BRI3: variants seen among roughly 807,000 people sequenced by gnomAD.
BRI3 encodes membrane protein BRI3.
In BRI3, 6 loss-of-function variants were observed where a neutral mutation model predicts 12.8. The ratio of observed to expected loss-of-function variants is 0.47; its 90% confidence interval spans 0.26 to 0.93. The LOEUF (loss-of-function observed/expected upper bound fraction) is 0.93, where lower values mean the gene tolerates loss of function less well. BRI3 is among the 40% of genes least tolerant of loss of function. The pLI, the probability that BRI3 is intolerant of heterozygous loss-of-function variation, is 0.15. For synonymous variants in BRI3, 91 were observed against 76.1 expected, an observed-to-expected ratio of 1.20 and a Z score of -1.02; for missense variants, 134 against 171.1, an observed-to-expected ratio of 0.78 and a Z score of 1.21.
Position 98,282,445 on chromosome 7 carries a change from T to A in BRI3, c.237T>A (p.Pro79=), listed in dbSNP as rs374049927. The change falls in exon 2 of 3, where the codon CCT becomes CCA. Residue 79 remains proline (P), a synonymous_variant. Coordinates refer to ENST00000297290, the MANE Select transcript of BRI3 (RefSeq NM_015379.5). ...CTATCGTGGTCGTAGGAGGCTGTCC[T>A]GTCTGCAGGTGAGTGGGTCTGCAGC... is the stretch of plus-strand genomic sequence containing the variant. ...ANSIVVVGGC[P]VCRVGVLEDC... is the part of the protein sequence containing the mutation. 5.8e-5 allele frequency: 93 copies of A among 1,613,650 alleles called. No homozygotes were observed. Among genetic ancestry groups the A allele is most frequent in the Non-Finnish European group, 7.5e-5 (89 of 1,179,750 alleles).
downstream of BRI3, among the ~76,000 whole-genome samples, chr7:98,296,450 ACC>A (rs371584857): frequency 5.1e-4 from 78 of 152,164 alleles, 1 homozygote; most frequent in African/African-American, 1.9e-3. Flanking sequence ...ACATGGAGAA[ACC>A]CCGTCTCTAC....
At chr7:98,283,737 C>CGGTCCT (rs1562956243) in intron 2 of BRI3, among the ~76,000 whole-genome samples, 1 of 152,198 alleles carries the variant, frequency 6.6e-6, no homozygotes, top group East Asian at 1.9e-4. Flanking sequence ...AGCCGGGTTC[C>CGGTCCT]GGTCCTGGTC....
upstream of BRI3, among the ~76,000 whole-genome samples, chr7:98,302,529 C>CA (rs1800470851): frequency 6.6e-6 from 1 of 152,192 alleles, no homozygotes; most frequent in Admixed American, 6.5e-5. Context: ...AAAACAGCAA[C>CA]AGACTCTGAG....
chr7:98,317,402 A>G, the BRI3 span: 9 of 1,605,554 alleles, frequency 5.6e-6, no homozygotes, highest in South Asian at 5.5e-5. Flanking sequence ...CACCACACGA[A>G]TTGTCACACA....
At chr7:98,293,715 T>C (rs1311628822), downstream of BRI3, 1 of 935,760 alleles carries the variant, frequency 1.1e-6, no homozygotes, top group East Asian at 2.4e-5. Context: ...CTCCCCAGCT[T>C]GTACAGGTCC....
downstream of BRI3, among the ~76,000 whole-genome samples, chr7:98,296,341 T>C (rs1028493762): frequency 2.0e-5 from 3 of 152,202 alleles, no homozygotes; most frequent in Non-Finnish European, 2.9e-5. Flanking sequence ...AAAATATGTA[T>C]TGGGCCAGGG....
Position 98,291,335 on chromosome 7 carries a change from C to T in BRI3, c.*92C>T. 6.4e-7 allele frequency: 1 copy of T among 1,565,624 alleles called. No individual in the cohort carries two copies. Among genetic ancestry groups the T allele is most frequent in the Non-Finnish European group, 8.7e-7 (1 of 1,154,312 alleles). On this transcript the variant is annotated 3_prime_UTR_variant, in exon 3 of 3. Coordinates refer to ENST00000297290, the MANE Select transcript of BRI3 (RefSeq NM_015379.5). ...AATTTTATTTGATTAAGCTTCAGGA[C>T]TGTTTTGTAAAGCGAGGTGGGACCG...
At chr7:98,290,474 C>T (rs1237862667) in intron 2 of BRI3, among the ~76,000 whole-genome samples, 2 of 151,406 alleles carry the variant, frequency 1.3e-5, no homozygotes, top group African/African-American at 4.9e-5. Context: ...GGATTACAGG[C>T]GTGAGCCACC....
rs148579418 is a variant in BRI3 at position 98,307,415 on chromosome 7, T to C, written n.145-100T>C. The C allele has an allele frequency of 3.7e-5, 47 of 1,277,150 alleles. 1 individual carries two copies. The African/African-American group carries it at 5.9e-4, about 16-fold the overall frequency. The allele number at this position is 1,277,150 out of a possible 1,614,324, so 79.1% of individuals were successfully genotyped here. Reference sequence around the variant, plus strand: ...GCCACTGCACTGGCCAAATGCTAAATTTTTTTTAAAAACAAAAGAATGTTT... The same window carrying C: ...GCCACTGCACTGGCCAAATGCTAAACTTTTTTTAAAAACAAAAGAATGTTT... On this transcript the variant is annotated intron_variant and non_coding_transcript_variant, in intron 1 of 1. Coordinates refer to the BRI3 transcript ENST00000485422.
chr7:98,294,972 C>T (rs1294483690), downstream of BRI3, among the ~76,000 whole-genome samples: 1 of 152,194 alleles, frequency 6.6e-6, no homozygotes, highest in African/African-American at 2.4e-5. Flanking sequence ...CCTGCCTGCA[C>T]ACAGGGAGTG....
exon 2 of BRI3, chr7:98,309,453 C>T (rs1275015965): frequency 1.3e-5 from 2 of 151,930 alleles, no homozygotes; most frequent in Non-Finnish European, 2.9e-5. Flanking sequence ...GCGCCCAATC[C>T]TCCACCAGCA....
chr7:98,303,941 C>T (rs930126463), upstream of BRI3, among the ~76,000 whole-genome samples: 19 of 152,300 alleles, frequency 1.2e-4, no homozygotes, highest in African/African-American at 3.6e-4. Context: ...AAACTAGAGG[C>T]GACTGTGTGT....
exon 2 of BRI3, chr7:98,308,992 A>T (rs1021892680): frequency 8.0e-5 from 12 of 150,030 alleles, no homozygotes; most frequent in African/African-American, 2.7e-4. Flanking sequence ...TTTTTTTTCC[A>T]TTCAAATTTT....
chr7:98,290,875 T>C (rs2116745978), intron 2 of BRI3, among the ~76,000 whole-genome samples: 1 of 152,362 alleles, frequency 6.6e-6, no homozygotes, highest in Admixed American at 6.5e-5. Context: ...TTACATGTAG[T>C]GATTAAATAA....
At chr7:98,298,014 T>C (rs1476486122) in intron 1 of BRI3, among the ~76,000 whole-genome samples, 2 of 149,404 alleles carry the variant, frequency 1.3e-5, no homozygotes, top group African/African-American at 4.9e-5. Flanking sequence ...GAGGACTGCC[T>C]GAGGTCAGGA....
intron 1 of BRI3, among the ~76,000 whole-genome samples, chr7:98,300,890 G>C: frequency 6.6e-6 from 1 of 152,114 alleles, no homozygotes; most frequent in East Asian, 1.9e-4. Context: ...GCCGAAGCTC[G>C]TGCCTCAGAG....
chr7:98,303,688 C>A (rs1225995008), upstream of BRI3, among the ~76,000 whole-genome samples: 1 of 152,134 alleles, frequency 6.6e-6, no homozygotes, highest in Non-Finnish European at 1.5e-5. Flanking sequence ...ATGCTGGGCC[C>A]CCAGAGGCAC....
intron 2 of BRI3, among the ~76,000 whole-genome samples, chr7:98,287,309 A>T (rs1051735855): frequency 1.3e-5 from 2 of 152,156 alleles, no homozygotes; most frequent in African/African-American, 4.8e-5. Flanking sequence ...CTGCCTTAGG[A>T]GGTGCCGGAG....
chr7:98,304,604 ATGACATGATG>A (rs1449677395), upstream of BRI3, among the ~76,000 whole-genome samples: 3 of 152,046 alleles, frequency 2.0e-5, no homozygotes, highest in African/African-American at 7.2e-5. Flanking sequence ...CTGGAGTGCA[ATGACATGATG>A]TCAGCTCACT....
Sources: allele counts gnomAD v4.1 joint callset (sites outside exome capture counted in the v4.1 genomes callset), GRCh38; gene constraint gnomAD v4.1.1; transcripts MANE v1.5; gene names NCBI Gene and HGNC (gene_info 2026-07-23, HGNC 2026-07-21).